WDR62: variants seen among roughly 807,000 people sequenced by gnomAD.
The protein encoded by WDR62 is WD repeat domain 62.
In WDR62, 112 loss-of-function variants were observed where a neutral mutation model predicts 160.6. That is an observed-to-expected ratio of 0.70 (90% confidence interval 0.60 to 0.82). WDR62 has a LOEUF of 0.82. Among genes scored for constraint, WDR62 ranks in the 40% least tolerant of loss-of-function variants. WDR62 has a pLI of 0.00. For synonymous variants in WDR62, 792 were observed against 815.1 expected, an observed-to-expected ratio of 0.97 and a Z score of 0.48; for missense variants, 1,819 against 1,983.8, an observed-to-expected ratio of 0.92 and a Z score of 1.58.
At chr19:36,109,649 G>A (rs1034725731), downstream of WDR62, among the ~76,000 whole-genome samples, 5 of 152,024 alleles carry the variant, frequency 3.3e-5, no homozygotes, top group East Asian at 1.9e-4. Flanking sequence ...CAGCAGAATC[G>A]CTTGAACCCA....
Position 36,060,223 on chromosome 19 carries a change from CTCTGCTG to C in WDR62, c.332+194_332+200del, listed in dbSNP as rs1196824533. 7 of 640,024 alleles carry C rather than the reference CTCTGCTG, an allele frequency of 1.1e-5. No individual in the cohort carries two copies. In the Admixed American group the frequency reaches 1.4e-4, roughly 13 times the overall value. The allele number at this position is 640,024 out of a possible 1,614,324, so 39.6% of individuals were successfully genotyped here. ...AGCAGTGACCAGAGGAGACGAGAAT[CTCTGCTG>C]GCTAGAGCGAGACAGACTGTAAACT... is the stretch of plus-strand genomic sequence containing the variant. On this transcript the variant is annotated intron_variant, in intron 3 of 31. Transcript: ENST00000401500.
At chr19:36,099,167 A>T (rs889822384) in intron 21 of WDR62, among the ~76,000 whole-genome samples, 1 of 144,544 alleles carries the variant, frequency 6.9e-6, no homozygotes, top group Non-Finnish European at 1.5e-5. Context: ...GGTTGCAGTG[A>T]GCCAAGGTCA....
intron 9 of WDR62, among the ~76,000 whole-genome samples, chr19:36,077,642 A>G (rs1371429903): frequency 7.0e-6 from 1 of 142,958 alleles, no homozygotes; most frequent in Admixed American, 7.2e-5. Flanking sequence ...TGTCACCCAG[A>G]CTGGAATACA....
At chr19:36,102,325 A>G (rs1036510266) in intron 26 of WDR62, 174 bp downstream of exon 26, 9 of 904,688 alleles carry the variant, frequency 9.9e-6, no homozygotes, top group Middle Eastern at 3.2e-4. Context: ...CGGTGGCCCA[A>G]TCTTGGCTCA....
chr19:36,105,759 T>C (rs1315919504), downstream of WDR62, among the ~76,000 whole-genome samples: 1 of 152,096 alleles, frequency 6.6e-6, no homozygotes, highest in African/African-American at 2.4e-5. Context: ...AGTGCAGTGG[T>C]GCGATCTTGG....
Position 36,103,173 on chromosome 19 carries a change from G to A in WDR62, c.3480G>A (p.Lys1160=), listed in dbSNP as rs370515965. 8.1e-6 allele frequency: 13 copies of A among 1,613,956 alleles called. No individual in the cohort carries two copies. The Admixed American group carries it at 8.3e-5, about 10-fold the overall frequency. ...PDRTHVLAAG[K]AEETLEAWRP... is the part of the protein sequence containing the mutation. ...GCCTGCAGGTCCTCGCTGCAGGGAA[G>A]GCTGAAGAGACCCTGGAGGCCTGGC... The change falls in exon 29 of 32, where the codon AAG becomes AAA. Residue 1160 remains lysine, a synonymous_variant. Coordinates refer to ENST00000401500, the MANE Select transcript of WDR62 (RefSeq NM_001083961.2).
At chr19:36,108,894 C>T (rs1423064039), downstream of WDR62, among the ~76,000 whole-genome samples, 5 of 151,588 alleles carry the variant, frequency 3.3e-5, no homozygotes. Flanking sequence ...CCAATCCCTG[C>T]TTATATGTCT....
chr19:36,059,847 G>A, intron 2 of WDR62, 121 bp from the exon 3 acceptor site: 1 of 990,758 alleles, frequency 1.0e-6, no homozygotes, highest in South Asian at 1.3e-5. Context: ...AGGGGGAGGA[G>A]GAGGAGACCA....
In WDR62 at chr19:36,103,521, C is replaced by T. The variant is rs772465861; in HGVS notation, c.3693C>T (p.Ser1231=). The change falls in exon 30 of 32, where the codon AGC becomes AGT. Residue 1231 remains serine, a synonymous_variant. Coordinates refer to ENST00000401500, the MANE Select transcript of WDR62 (RefSeq NM_001083961.2). The part of the protein sequence containing the change: ...TASSRARISR[S]ISLGDSEGPI... The stretch of plus-strand genomic sequence containing the variant: ...GCTCCCGTGCCAGGATATCACGCAG[C>T]ATCTCCCTCGGTGACAGTGAGGGCC... The T allele has an allele frequency of 6.2e-7, 1 of 1,614,160 alleles. No individual in the cohort carries two copies. The highest frequency in any genetic ancestry group is 8.5e-7 in the Non-Finnish European group (1 of 1,180,040).
chr19:36,105,743 G>A (rs1471050012), downstream of WDR62, among the ~76,000 whole-genome samples: 1 of 152,076 alleles, frequency 6.6e-6, no homozygotes, highest in Non-Finnish European at 1.5e-5. Flanking sequence ...GTGTCATCCA[G>A]GCTAGAGTGC....
chr19:36,072,713 C>T (rs1047807051), intron 8 of WDR62, among the ~76,000 whole-genome samples: 5 of 152,170 alleles, frequency 3.3e-5, no homozygotes, highest in Admixed American at 6.5e-5. Context: ...GAGCAACCCA[C>T]AGGCAGTGTT....
rs369479564 is a variant in WDR62, at chr19:36,066,400, C to A, written c.534C>A (p.Asp178Glu). 6.2e-7 allele frequency: 1 copy of A among 1,609,562 alleles called. No individual in the cohort carries two copies. The highest frequency in any genetic ancestry group is 1.3e-5 in the African/African-American group (1 of 74,808). ...KHIVSMGYQHDMVLNVWDWKK... is the reference protein window; with the variant it reads ...KHIVSMGYQHEMVLNVWDWKK... The stretch of plus-strand genomic sequence containing the variant: ...TCGTGTCCATGGGCTACCAACATGA[C>A]ATGGTGCTCAACGTCTGGGACTGGA... The change falls in exon 5 of 32, where the codon GAC (aspartate) becomes GAA (glutamate). Residue 178 changes from aspartate to glutamate, a missense_variant. This residue lies in a region of WDR62 where 934 missense variants were observed against 1,157.2 expected (regional missense o/e 0.81). Coordinates refer to ENST00000401500, the MANE Select transcript of WDR62 (RefSeq NM_001083961.2).
intron 12 of WDR62, 80 bp from the exon 13 acceptor site, chr19:36,086,607 A>G: frequency 1.3e-6 from 2 of 1,524,092 alleles, no homozygotes; most frequent in East Asian, 2.5e-5. Context: ...AGGACTGGGC[A>G]GCTTGGTCAC....
At chr19:36,055,336 C>A (rs1287876273) in intron 1 of WDR62, among the ~76,000 whole-genome samples, 188 bp downstream of exon 1, 1 of 152,186 alleles carries the variant, frequency 6.6e-6, no homozygotes, top group Non-Finnish European at 1.5e-5. Flanking sequence ...GCTGCTTTCC[C>A]GGCTCCACCC....
chr19:36,096,145 C>G (rs1379905603), intron 20 of WDR62, among the ~76,000 whole-genome samples: 1 of 151,944 alleles, frequency 6.6e-6, no homozygotes, highest in East Asian at 1.9e-4. Context: ...GGCTGGAGTT[C>G]AATAGCACAA....
intron 6 of WDR62, 44 bp from the exon 7 acceptor site, chr19:36,067,784 C>T: frequency 6.2e-7 from 1 of 1,605,954 alleles, no homozygotes; most frequent in East Asian, 2.2e-5. Flanking sequence ...ATGCAGGGCC[C>T]AGCTGTGTGG....
chr19:36,104,181 C>T (rs1973590618), intron 30 of WDR62, among the ~76,000 whole-genome samples, 200 bp downstream of exon 30: 1 of 152,248 alleles, frequency 6.6e-6, no homozygotes, highest in South Asian at 2.1e-4. Context: ...GTAAACAACA[C>T]AGAGAACTGA....
At chr19:36,096,798 C>T (rs995017549) in intron 20 of WDR62, among the ~76,000 whole-genome samples, 2 of 152,188 alleles carry the variant, frequency 1.3e-5, no homozygotes, top group Non-Finnish European at 2.9e-5. Context: ...CCATTGTCCC[C>T]ACACTTTTCC....
At chr19:36,081,375 C>A (rs112517115) in intron 9 of WDR62, 58 bp from the exon 10 acceptor site, 2 of 1,322,318 alleles carry the variant, frequency 1.5e-6, no homozygotes, top group South Asian at 1.2e-5. Flanking sequence ...GAAAATGCAA[C>A]AGTAAGTCAT....
Sources: allele counts gnomAD v4.1 joint callset (sites outside exome capture counted in the v4.1 genomes callset), GRCh38; gene constraint gnomAD v4.1.1; regional missense constraint gnomAD v4.1.1; transcripts MANE v1.5; gene names NCBI Gene and HGNC (gene_info 2026-07-23, HGNC 2026-07-21).